The following DMD variants were observed in gnomAD, a reference collection of about 807,000 sequenced individuals.
The protein encoded by DMD is dystrophin, also known as mutant dystrophin.
In DMD, 63 loss-of-function variants were observed where a neutral mutation model predicts 330.1. The ratio of observed to expected loss-of-function variants is 0.19; its 90% confidence interval spans 0.16 to 0.24. The LOEUF is 0.24. Among genes scored for constraint, DMD ranks in the 10% least tolerant of loss-of-function variants. The pLI is 1.00. For missense variants in DMD, 3,344 were observed against 2,684.1 expected (o/e 1.25, Z -5.43); for synonymous variants, 1,223 against 959.8 (o/e 1.27, Z -5.07).
intron 11 of DMD, among the ~76,000 whole-genome samples, chrX:32,635,728 A>G (rs5928063): frequency 0.22 from 24,781 of 111,289 alleles, 3,875 homozygotes; most frequent in African/African-American, 0.56. Context: ...CAAGATTTAT[A>G]ACGTTTATCA....
chrX:32,369,331 G>T (rs1170197166), intron 34 of DMD, among the ~76,000 whole-genome samples: 1 of 111,101 alleles, frequency 9.0e-6, no homozygotes, highest in South Asian at 3.8e-4. Flanking sequence ...GCCCCATGTT[G>T]ATGGGAAGGA....
At chrX:32,038,508 C>T (rs1229938648) in intron 44 of DMD, among the ~76,000 whole-genome samples, 2 of 111,121 alleles carry the variant, frequency 1.8e-5, no homozygotes. Flanking sequence ...AAGAGTATCT[C>T]TGGGCGAGGT....
chrX:32,734,011 T>C (rs373106025), intron 7 of DMD, among the ~76,000 whole-genome samples: 44 of 106,163 alleles, frequency 4.1e-4, no homozygotes, highest in African/African-American at 1.5e-3. Context: ...ATAGATAGAC[T>C]GCTAGCAAGA....
At chrX:32,394,921 A>AAAAAAAAAAAC (rs2098031773) in intron 30 of DMD, among the ~76,000 whole-genome samples, 1 of 63,723 alleles carries the variant, frequency 1.6e-5, no homozygotes, top group Non-Finnish European at 3.0e-5. Context: ...AAAAACAAAA[A>AAAAAAAAAAAC]AAAAAAAAAA....
At chrX:32,473,736 TC>T (rs1432431754) in intron 21 of DMD, among the ~76,000 whole-genome samples, 1 of 111,864 alleles carries the variant, frequency 8.9e-6, no homozygotes, top group East Asian at 2.8e-4. Flanking sequence ...TTATATTTAA[TC>T]TGAGCACTTC....
At chrX:32,941,496 A>G (rs2090412685) in intron 2 of DMD, among the ~76,000 whole-genome samples, 2 of 111,460 alleles carry the variant, frequency 1.8e-5, no homozygotes, top group African/African-American at 6.5e-5. Context: ...TGTCCTTCGT[A>G]GCAACACAGA....
chrX:32,138,859 A>G (rs2096740056), intron 44 of DMD, among the ~76,000 whole-genome samples: 1 of 112,173 alleles, frequency 8.9e-6, no homozygotes, highest in Non-Finnish European at 1.9e-5. Context: ...AGTCTTTTTT[A>G]CTGTAATGGA....
At chrX:32,307,990 A>G (rs1172709173) in intron 42 of DMD, among the ~76,000 whole-genome samples, 2 of 110,461 alleles carry the variant, frequency 1.8e-5, no homozygotes, top group African/African-American at 6.6e-5. Flanking sequence ...AGTAAGAAAG[A>G]AAATATTACT....
At chrX:31,221,741 TA>T (rs764342321) in intron 64 of DMD, among the ~76,000 whole-genome samples, 284 of 113,115 alleles carry the variant, frequency 2.5e-3, no homozygotes, top group African/African-American at 8.5e-3. Flanking sequence ...TGTTAGACTG[TA>T]AGTTCCATCA....
upstream of DMD, among the ~76,000 whole-genome samples, chrX:33,215,457 T>A (rs944510947): frequency 1.8e-5 from 2 of 112,033 alleles, no homozygotes; most frequent in African/African-American, 3.2e-5. Context: ...TTTGTGAATA[T>A]TTTCTCCCAT....
intron 2 of DMD, among the ~76,000 whole-genome samples, chrX:32,859,154 G>C (rs935717237): frequency 2.7e-5 from 3 of 110,869 alleles, no homozygotes; most frequent in African/African-American, 9.9e-5. Flanking sequence ...CTCTTTCTTT[G>C]ACCAAATTCT....
chrX:31,558,844 G>C (rs2147826697), intron 55 of DMD, among the ~76,000 whole-genome samples: 1 of 110,790 alleles, frequency 9.0e-6, no homozygotes, highest in South Asian at 3.9e-4. Context: ...ATGCCTATGG[G>C]CTATCTAACT....
Position 32,346,044 on chromosome X carries a change from G to C in DMD, c.5485C>G (p.Gln1829Glu), listed in dbSNP as rs754765424. ...CTTTGTTGTAAGTTGTCTCCTCTTTGCAACAATTCTTTTACAGTACCCTCA... is the reference window on the plus strand; with the variant it reads ...CTTTGTTGTAAGTTGTCTCCTCTTTCCAACAATTCTTTTACAGTACCCTCA... ...DNEGTVKELL[Q>E]RGDNLQQRIT... Residue 1829 changes from glutamine to glutamate, a missense_variant, in exon 39 of 79, where the codon CAA (glutamine) becomes GAA (glutamate). Transcript: ENST00000357033. 225 of 1,206,720 alleles carry C rather than the reference G, an allele frequency of 1.9e-4. No homozygotes were observed. In the East Asian group the frequency reaches 5.6e-3, roughly 30 times the overall value.
At chrX:33,218,284 G>A (rs1164772850) in intron 1 of DMD, among the ~76,000 whole-genome samples, 1 of 111,163 alleles carries the variant, frequency 9.0e-6, no homozygotes, top group East Asian at 2.8e-4. Context: ...TTATTGGTCT[G>A]TAATTTGTTG....
intron 49 of DMD, among the ~76,000 whole-genome samples, chrX:31,833,759 A>C (rs768218578): frequency 1.3e-4 from 14 of 111,220 alleles, no homozygotes; most frequent in Non-Finnish European, 1.9e-4. Context: ...CTGATGCAGA[A>C]TGCGGAGGTG....
intron 75 of DMD, among the ~76,000 whole-genome samples, chrX:31,146,734 T>G (rs1241988222): frequency 3.6e-5 from 4 of 112,086 alleles, no homozygotes; most frequent in African/African-American, 1.3e-4. Context: ...ATCTCAAAAC[T>G]GTAATGGAAG....
intron 7 of DMD, among the ~76,000 whole-genome samples, chrX:32,758,460 A>T (rs1198402216): frequency 9.0e-6 from 1 of 111,376 alleles, no homozygotes; most frequent in African/African-American, 3.3e-5. Context: ...TTCAAAGTTC[A>T]GCATTCTCCT....
chrX:33,072,459 G>C (rs2094774728), intron 1 of DMD, among the ~76,000 whole-genome samples: 1 of 112,205 alleles, frequency 8.9e-6, no homozygotes, highest in Non-Finnish European at 1.9e-5. Context: ...TCTGGGCACA[G>C]ATAATTACAC....
chrX:32,083,015 A>T (rs2096405367), intron 44 of DMD, among the ~76,000 whole-genome samples: 2 of 111,924 alleles, frequency 1.8e-5, no homozygotes, highest in South Asian at 7.4e-4. Context: ...TCATTTACTC[A>T]ATCTAATAAT....
Sources: allele counts gnomAD v4.1 joint callset (sites outside exome capture counted in the v4.1 genomes callset), GRCh38; gene constraint gnomAD v4.1.1; transcripts MANE v1.5; gene names NCBI Gene and HGNC (gene_info 2026-07-23, HGNC 2026-07-21).